TACC2: variants seen among roughly 807,000 people sequenced by gnomAD.
The protein encoded by TACC2 is transforming acidic coiled-coil-containing protein 2.
In TACC2, 137 loss-of-function variants were observed where a neutral mutation model predicts 227.3. That is an observed-to-expected ratio of 0.60 (90% CI 0.52 to 0.69). The LOEUF (loss-of-function observed/expected upper bound fraction) is 0.69. Among genes scored for constraint, TACC2 ranks in the 30% least tolerant of loss-of-function variants. The probability of loss-of-function intolerance (pLI) is 0.00; values close to 1 mark genes in which losing one functional copy is unlikely to be tolerated. For synonymous variants in TACC2, 1,523 were observed against 1,487.5 expected (o/e 1.02, Z -0.55); for missense variants, 3,470 against 3,694.4 (o/e 0.94, Z 1.57).
At chr10:122,238,125 A>G in intron 18 of TACC2, 88 bp downstream of exon 18, 1 of 1,039,650 alleles carries the variant, frequency 9.6e-7, no homozygotes. Flanking sequence ...TCCACAGAAG[A>G]GTGTCTTCTG....
chr10:122,212,902 G>A (rs148134784), intron 9 of TACC2, among the ~76,000 whole-genome samples: 211 of 152,284 alleles, frequency 1.4e-3, no homozygotes, highest in Middle Eastern at 0.014. Flanking sequence ...GCCTGGAATA[G>A]GAGAAGTCTG....
At chr10:121,990,275 T>C (rs1160657457) in intron 1 of TACC2, among the ~76,000 whole-genome samples, 2 of 151,920 alleles carry the variant, frequency 1.3e-5, no homozygotes, top group Non-Finnish European at 1.5e-5. Flanking sequence ...GCCACTAAAT[T>C]CAGCTAATAT....
At chr10:122,246,113 C>T (rs1468875477) in intron 19 of TACC2, among the ~76,000 whole-genome samples, 1 of 152,308 alleles carries the variant, frequency 6.6e-6, no homozygotes, top group African/African-American at 2.4e-5. Context: ...AGGGTCCCTG[C>T]CCCAGCAGCA....
chr10:122,158,011 CTCCCTCCT>C (rs57442673), intron 7 of TACC2, among the ~76,000 whole-genome samples: 12,088 of 151,916 alleles, frequency 0.08, 658 homozygotes, highest in East Asian at 0.24. Context: ...ACTGGCCTTC[CTCCCTCCT>C]TCCCTCCTTC....
chr10:122,064,652 C>A (rs1421397342), intron 3 of TACC2, among the ~76,000 whole-genome samples: 1 of 152,180 alleles, frequency 6.6e-6, no homozygotes, highest in East Asian at 1.9e-4. Flanking sequence ...GTTGTACATT[C>A]TGATGAATTT....
At chr10:122,132,478 G>A in intron 5 of TACC2, 131 bp from the exon 6 acceptor site, 1 of 1,095,836 alleles carries the variant, frequency 9.1e-7, no homozygotes, top group South Asian at 1.4e-5. Flanking sequence ...GTACCCTGGA[G>A]ACAGAGTTTG....
intron 7 of TACC2, among the ~76,000 whole-genome samples, chr10:122,191,065 T>G (rs1277130436): frequency 6.6e-6 from 1 of 152,096 alleles, no homozygotes; most frequent in Non-Finnish European, 1.5e-5. Flanking sequence ...AATTTGCACC[T>G]CTAATGCCTA....
intron 5 of TACC2, among the ~76,000 whole-genome samples, chr10:122,112,847 G>A (rs1175033985): frequency 1.3e-5 from 2 of 152,060 alleles, no homozygotes; most frequent in Non-Finnish European, 2.9e-5. Flanking sequence ...CTGCGGCCGC[G>A]GGCCCCTCGG....
chr10:122,129,015 A>T (rs2087452779), intron 5 of TACC2, among the ~76,000 whole-genome samples: 1 of 150,952 alleles, frequency 6.6e-6, no homozygotes, highest in Non-Finnish European at 1.5e-5. Context: ...TTCAATTAAT[A>T]ATGGACATGT....
chr10:122,107,854 A>T (rs2083018762), intron 5 of TACC2, among the ~76,000 whole-genome samples: 1 of 129,912 alleles, frequency 7.7e-6, no homozygotes, highest in Non-Finnish European at 1.6e-5. Flanking sequence ...CCAAGACCCC[A>T]AAGTCCATTA....
At chr10:122,231,473 A>T in intron 16 of TACC2, among the ~76,000 whole-genome samples, 1 of 152,160 alleles carries the variant, frequency 6.6e-6, no homozygotes, top group Non-Finnish European at 1.5e-5. Flanking sequence ...GTGTGCGGAG[A>T]GTGGCACCAT....
intron 16 of TACC2, among the ~76,000 whole-genome samples, chr10:122,237,152 G>A (rs374998312): frequency 1.3e-5 from 2 of 152,166 alleles, no homozygotes; most frequent in East Asian, 1.9e-4. Flanking sequence ...CCAAGGCCTC[G>A]GAGCTTAAGG....
At chr10:122,163,643 C>T in intron 7 of TACC2, 2 of 1,031,676 alleles carry the variant, frequency 1.9e-6, no homozygotes, top group East Asian at 8.4e-5. Context: ...CACGCTCATA[C>T]CCGCACGCCC....
At chr10:122,235,527 C>T (rs913366790) in intron 16 of TACC2, among the ~76,000 whole-genome samples, 4 of 152,154 alleles carry the variant, frequency 2.6e-5, no homozygotes, top group Non-Finnish European at 4.4e-5. Flanking sequence ...AGTGAGCCAC[C>T]GCACACGGCC....
chr10:122,220,522 A>T (rs1314389601), intron 11 of TACC2, among the ~76,000 whole-genome samples: 1 of 152,220 alleles, frequency 6.6e-6, no homozygotes, highest in African/African-American at 2.4e-5. Flanking sequence ...GGACGTGGAA[A>T]TACCATTAAT....
At chr10:122,018,812 G>A (rs2135480500) in intron 1 of TACC2, among the ~76,000 whole-genome samples, 1 of 152,300 alleles carries the variant, frequency 6.6e-6, no homozygotes, top group African/African-American at 2.4e-5. Flanking sequence ...CTTCTGCTCT[G>A]TTCCAACCAG....
chr10:122,069,381 A>T (rs1461404023), intron 3 of TACC2, among the ~76,000 whole-genome samples: 1 of 152,084 alleles, frequency 6.6e-6, no homozygotes, highest in African/African-American at 2.4e-5. Flanking sequence ...AGCTGGGACT[A>T]CAGGTGCCCA....
At chr10:122,101,646 G>A (rs1051129137) in intron 5 of TACC2, among the ~76,000 whole-genome samples, 19 of 122,256 alleles carry the variant, frequency 1.6e-4, no homozygotes, top group East Asian at 2.6e-4. Context: ...TGCAAGCTCC[G>A]CCTCCTGGGT....
At position 122,086,894 on chromosome 10, in the gene TACC2, C is replaced by T. The variant is rs758887730; in HGVS notation, c.4394C>T (p.Ala1465Val). The change falls in exon 4 of 23, where the codon GCA (alanine) becomes GTA (valine). Residue 1465 changes from alanine to valine, a missense_variant. This residue lies in a region of TACC2 where 1,924 missense variants were observed against 1,978.3 expected (regional missense o/e 0.97). Transcript: ENST00000369005. ...GGAGTGGATGTCACCCTTCTCCCTG[C>T]ACCTCCTGCTCGACTCCAGGTGGAG... ...PPGVDVTLLPAPPARLQVEKK... is the reference protein window; with the variant it reads ...PPGVDVTLLPVPPARLQVEKK... The T allele has an allele frequency of 6.8e-6, 11 of 1,613,868 alleles. No homozygotes were observed. Among genetic ancestry groups the T allele is most frequent in the African/African-American group, 4.0e-5 (3 of 74,952 alleles).
Sources: allele counts gnomAD v4.1 joint callset (sites outside exome capture counted in the v4.1 genomes callset), GRCh38; gene constraint gnomAD v4.1.1; regional missense constraint gnomAD v4.1.1; transcripts MANE v1.5; gene names NCBI Gene and HGNC (gene_info 2026-07-23, HGNC 2026-07-21).